Variants in COL14A1 observed in about 807,000 individuals in gnomAD.
COL14A1 encodes collagen alpha-1(XIV) chain.
In COL14A1, 136 loss-of-function variants were observed where a neutral mutation model predicts 230.3. The ratio of observed to expected loss-of-function variants is 0.59; its 90% CI spans 0.51 to 0.68. COL14A1 has a LOEUF of 0.68. Among genes scored for constraint, COL14A1 ranks in the 30% least tolerant of loss-of-function variants. The pLI is 0.00. For missense variants in COL14A1, 1,976 were observed against 2,215.8 expected (o/e 0.89, Z 2.17); for synonymous variants, 792 against 784.1 (o/e 1.01, Z -0.17).
In COL14A1 at chr8:120,190,434, T is replaced by C. The variant is rs939917444; in HGVS notation, c.437-6357T>C. 3.7e-4 allele frequency among the ~76,000 whole-genome samples: 57 copies of C among 152,266 alleles called. 1 individual carries two copies. The highest frequency in any genetic ancestry group is 9.6e-4 in the African/African-American group (40 of 41,574). On this transcript the variant is annotated intron_variant, in intron 5 of 47. Transcript: ENST00000297848. ...CGAACATTTTCTCCCATTTTGTAGG[T>C]TGCCTGTTCACTCTGATGGTAGTTT... is the stretch of plus-strand genomic sequence containing the variant.
chr8:120,363,102 T>C (rs1823281892), intron 45 of COL14A1, among the ~76,000 whole-genome samples: 1 of 152,190 alleles, frequency 6.6e-6, no homozygotes, highest in Non-Finnish European at 1.5e-5. Context: ...AGGAATTTTG[T>C]CTGTTGATTT....
In COL14A1 at chr8:120,212,473, A is replaced by C. The variant is rs767847063; in HGVS notation, c.1493A>C (p.Asp498Ala). The change falls in exon 13 of 48, where the codon GAT (aspartate) becomes GCT (alanine). Residue 498 changes from aspartate (D) to alanine (A), a missense_variant. Transcript: ENST00000297848. Reference protein sequence around the residue: ...KEMKIGETHTDIELSGLLPNT... With the variant: ...KEMKIGETHTAIELSGLLPNT... Reference sequence around the variant, plus strand: ...ATGAAAATTGGAGAGACCCACACAGATATTGAATTGAGTGGGTTGTTGCCC... The same window carrying C: ...ATGAAAATTGGAGAGACCCACACAGCTATTGAATTGAGTGGGTTGTTGCCC... 7 of 1,613,438 alleles carry C rather than the reference A, an allele frequency of 4.3e-6. No homozygotes were observed. In the East Asian group the frequency reaches 1.3e-4, roughly 31 times the overall value.
chr8:120,263,429 G>T (rs2129772745), intron 24 of COL14A1, among the ~76,000 whole-genome samples: 1 of 152,308 alleles, frequency 6.6e-6, no homozygotes, highest in East Asian at 1.9e-4. Flanking sequence ...CCAACTGGAT[G>T]ACCCTAGAGT....
intron 4 of COL14A1, 126 bp from the exon 5 acceptor site, chr8:120,168,035 A>C: frequency 1.8e-6 from 1 of 548,414 alleles, no homozygotes; most frequent in Non-Finnish European, 3.2e-6. Flanking sequence ...TTTGGGGATG[A>C]GTTTGTACCA....
At chr8:120,278,084 GA>G in intron 26 of COL14A1, 26 bp from the exon 27 acceptor site, 1 of 1,579,986 alleles carries the variant, frequency 6.3e-7, no homozygotes, top group Non-Finnish European at 8.6e-7. Flanking sequence ...ACATATGTGT[GA>G]AAATGAATAC....
At chr8:120,197,784 G>C (rs373190025) in intron 6 of COL14A1, 27 bp from the exon 7 acceptor site, 3 of 1,587,718 alleles carry the variant, frequency 1.9e-6, no homozygotes, top group Non-Finnish European at 2.6e-6. Flanking sequence ...CATTATTCCT[G>C]GTGCGTTTCC....
intron 1 of COL14A1, among the ~76,000 whole-genome samples, chr8:120,138,213 C>G (rs1316753897): frequency 6.6e-6 from 1 of 151,842 alleles, no homozygotes; most frequent in African/African-American, 2.4e-5. Context: ...GTGCTGAAAT[C>G]TTCAACTTTG....
intron 5 of COL14A1, among the ~76,000 whole-genome samples, chr8:120,193,927 A>T (rs984447835): frequency 2.0e-5 from 3 of 152,090 alleles, no homozygotes; most frequent in Non-Finnish European, 2.9e-5. Context: ...GGTGGGAGTG[A>T]CCCGGTTTTC....
At chr8:120,194,118 G>A (rs1816942648) in intron 5 of COL14A1, among the ~76,000 whole-genome samples, 1 of 152,200 alleles carries the variant, frequency 6.6e-6, no homozygotes, top group Non-Finnish European at 1.5e-5. Flanking sequence ...AGATGGAAAT[G>A]CAGAAATCAC....
At chr8:120,363,697 G>C (rs1260975263) in intron 45 of COL14A1, among the ~76,000 whole-genome samples, 1 of 152,198 alleles carries the variant, frequency 6.6e-6, no homozygotes, top group South Asian at 2.1e-4. Context: ...ACTGATGCTA[G>C]AGAGATAAGT....
intron 26 of COL14A1, among the ~76,000 whole-genome samples, chr8:120,275,426 C>T (rs1819808253): frequency 6.6e-6 from 1 of 151,724 alleles, no homozygotes; most frequent in Non-Finnish European, 1.5e-5. Flanking sequence ...TGGACATTGA[C>T]CTGGCAAGGA....
intron 19 of COL14A1, among the ~76,000 whole-genome samples, chr8:120,234,113 C>CTGTT (rs144782917): frequency 0.59 from 88,855 of 151,466 alleles, 27,374 homozygotes; most frequent in East Asian, 0.79. Context: ...ATTTGGCTCT[C>CTGTT]TGTCTATTAT....
intron 5 of COL14A1, among the ~76,000 whole-genome samples, chr8:120,185,966 G>A (rs924326398): frequency 6.6e-6 from 1 of 152,022 alleles, no homozygotes; most frequent in South Asian, 2.1e-4. Flanking sequence ...TAGAAATGGG[G>A]TTTCACCATT....
chr8:120,230,228 A>G (rs1818225740), intron 18 of COL14A1, among the ~76,000 whole-genome samples: 1 of 152,114 alleles, frequency 6.6e-6, no homozygotes, highest in Admixed American at 6.6e-5. Context: ...TTCTGTGGGT[A>G]ACTGACACTT....
chr8:120,224,273 T>A (rs1451409300), intron 14 of COL14A1, among the ~76,000 whole-genome samples: 1 of 152,016 alleles, frequency 6.6e-6, no homozygotes, highest in Non-Finnish European at 1.5e-5. Flanking sequence ...GTGATCTACC[T>A]GCCTCGGCCT....
At chr8:120,327,679 A>C (rs1821725233) in intron 40 of COL14A1, among the ~76,000 whole-genome samples, 1 of 152,112 alleles carries the variant, frequency 6.6e-6, no homozygotes, top group Non-Finnish European at 1.5e-5. Flanking sequence ...TTCCAGACTC[A>C]TTCTACCTGT....
chr8:120,280,324 T>C (rs1365588917), intron 29 of COL14A1, among the ~76,000 whole-genome samples: 1 of 152,212 alleles, frequency 6.6e-6, no homozygotes, highest in African/African-American at 2.4e-5. Context: ...GATGACAGTC[T>C]ATGTTTAAAA....
rs565994603 is a variant in COL14A1 at position 120,152,793 on chromosome 8, T to G, written c.88+4863T>G. On this transcript the variant is annotated intron_variant, in intron 2 of 47. Transcript: ENST00000297848. ...GGAAATTTCACAGTAAATATGTACC[T>G]GGTTCTAGCGATGTTTGTTTTGGAT... Among the ~76,000 whole-genome samples the G allele has an allele frequency of 2.6e-5, 4 of 152,316 alleles. No individual in the cohort carries two copies. The East Asian group carries it at 7.7e-4, about 29-fold the overall frequency.
At chr8:120,308,914 C>T (rs954041626) in intron 36 of COL14A1, among the ~76,000 whole-genome samples, 3 of 152,174 alleles carry the variant, frequency 2.0e-5, no homozygotes, top group African/African-American at 7.2e-5. Flanking sequence ...TCTTGGCTCA[C>T]AGACTTCAAT....
Sources: allele counts gnomAD v4.1 joint callset (sites outside exome capture counted in the v4.1 genomes callset), GRCh38; gene constraint gnomAD v4.1.1; transcripts MANE v1.5; gene names NCBI Gene and HGNC (gene_info 2026-07-23, HGNC 2026-07-21).